Variants in VPS13C observed in about 807,000 individuals in gnomAD.
VPS13C encodes vacuolar protein sorting 13 homolog C, also known as intermembrane lipid transfer protein VPS13C.
In VPS13C, 358 loss-of-function variants were observed where a neutral mutation model predicts 456.8. The observed-to-expected ratio is 0.78, with a 90% CI of 0.72 to 0.86. The LOEUF is 0.86. Ranked by LOEUF, VPS13C falls within the 40% of genes least tolerant of loss-of-function variation. VPS13C has a pLI of 0.00. For missense variants in VPS13C, 4,818 were observed against 4,385.4 expected (o/e 1.10, Z -2.79); for synonymous variants, 1,578 against 1,486.7 (o/e 1.06, Z -1.41).
At chr15:61,951,065 A>G (rs2044774019) in intron 39 of VPS13C, 41 bp from the exon 40 acceptor site, 1 of 1,341,678 alleles carries the variant, frequency 7.5e-7, no homozygotes. Flanking sequence ...TCAATTAAAC[A>G]TTTCACACAT....
At chr15:61,950,854 T>G in intron 40 of VPS13C, 91 bp downstream of exon 40, 1 of 874,560 alleles carries the variant, frequency 1.1e-6, no homozygotes, top group Non-Finnish European at 1.7e-6. Flanking sequence ...GGTAGAAAAA[T>G]GTTGGGAGAG....
chr15:62,024,908 G>A (rs1035484870), intron 6 of VPS13C, among the ~76,000 whole-genome samples: 7 of 152,014 alleles, frequency 4.6e-5, no homozygotes, highest in Admixed American at 3.3e-4. Flanking sequence ...TTCACCAGGC[G>A]AACTCCTAGG....
At position 62,041,454 on chromosome 15, in the gene VPS13C, G is replaced by A. The variant is rs997560008; in HGVS notation, c.145-88C>T. On this transcript the variant is annotated intron_variant, in intron 2 of 84. Coordinates refer to ENST00000644861, the MANE Select transcript of VPS13C (RefSeq NM_020821.3). ...TTTGTGTGATCATTTAAATACACAT[G>A]TCCAAAGAAAAACAAAAACCAAATT... is the stretch of plus-strand genomic sequence containing the variant. 7 of 1,306,854 alleles carry A rather than the reference G, an allele frequency of 5.4e-6. No individual in the cohort carries two copies. In the African/African-American group the frequency reaches 9.1e-5, roughly 17 times the overall value. The allele number at this position is 1,306,854 out of a possible 1,614,324, so 81.0% of individuals were successfully genotyped here. A position where few individuals can be genotyped will look rare whatever the true frequency, so the allele number is the denominator to read the frequency against.
At chr15:62,006,361 T>A in intron 15 of VPS13C, among the ~76,000 whole-genome samples, 1 of 152,080 alleles carries the variant, frequency 6.6e-6, no homozygotes, top group African/African-American at 2.4e-5. Context: ...GGTGTTTGGT[T>A]TTTTGTCCTT....
intron 79 of VPS13C, among the ~76,000 whole-genome samples, chr15:61,870,743 C>A (rs2140874527): frequency 6.6e-6 from 1 of 152,280 alleles, no homozygotes; most frequent in South Asian, 2.1e-4. Flanking sequence ...ATTTTACAGT[C>A]CCACTAGTAG....
At chr15:62,015,126 T>A (rs977333465) in intron 9 of VPS13C, among the ~76,000 whole-genome samples, 1 of 152,194 alleles carries the variant, frequency 6.6e-6, no homozygotes, top group Admixed American at 6.5e-5. Context: ...GTTACTCTGC[T>A]CCCTTATGAC....
At chr15:61,903,231 G>A (rs1018328083) in intron 66 of VPS13C, among the ~76,000 whole-genome samples, 3 of 151,852 alleles carry the variant, frequency 2.0e-5, no homozygotes, top group African/African-American at 7.3e-5. Flanking sequence ...CCTGATATTC[G>A]AGAGACTGAA....
intron 37 of VPS13C, among the ~76,000 whole-genome samples, chr15:61,956,429 G>A (rs2045000588): frequency 1.3e-5 from 2 of 151,946 alleles, no homozygotes. Context: ...GCAGTGACAT[G>A]CAATTTACCC....
intron 18 of VPS13C, 66 bp downstream of exon 18, chr15:61,990,934 T>A: frequency 9.4e-7 from 1 of 1,066,230 alleles, no homozygotes; most frequent in Non-Finnish European, 1.4e-6. Flanking sequence ...AATCAGTAAG[T>A]CTAATCCAAT....
chr15:61,862,235 C>A (rs1003739546), intron 82 of VPS13C, among the ~76,000 whole-genome samples: 2 of 152,070 alleles, frequency 1.3e-5, no homozygotes, highest in African/African-American at 4.8e-5. Context: ...GTAAGGTTAG[C>A]AAGGAAACTA....
At chr15:62,020,443 A>G (rs1210801073) in intron 9 of VPS13C, 36 bp downstream of exon 9, 13 of 1,569,694 alleles carry the variant, frequency 8.3e-6, no homozygotes, top group Non-Finnish European at 1.1e-5. Flanking sequence ...AATACTTTAC[A>G]GGTTCCATAG....
In VPS13C at chr15:62,012,157, A is replaced by G; in HGVS notation, c.833T>C (p.Leu278Pro). 6.5e-7 allele frequency: 1 copy of G among 1,548,402 alleles called. No individual in the cohort carries two copies. Among genetic ancestry groups the G allele is most frequent in the Non-Finnish European group, 8.9e-7 (1 of 1,125,292 alleles). ...TCCACTTGTAAGAATTTCATTTTTC[A>G]GCTGATCCTAAACAAAAAATTTGAA... The part of the protein sequence containing the change: ...QRSREQILDQ[L>P]KNEILTSGNI... The change falls in exon 12 of 85, where the codon CTG becomes CCG. Residue 278 changes from leucine to proline, a missense_variant. Coordinates refer to ENST00000644861, the MANE Select transcript of VPS13C (RefSeq NM_020821.3).
chr15:62,056,569 G>C (rs2048808221), intron 1 of VPS13C, among the ~76,000 whole-genome samples: 1 of 152,192 alleles, frequency 6.6e-6, no homozygotes, highest in Admixed American at 6.5e-5. Flanking sequence ...GACCAGGGAA[G>C]GGAGGCTCCC....
rs2043703146 is a variant in VPS13C at position 61,922,760 on chromosome 15, A to C, written c.6612T>G (p.Ile2204Met). 6.4e-7 allele frequency: 1 copy of C among 1,560,876 alleles called. No individual in the cohort carries two copies. Among genetic ancestry groups the C allele is most frequent in the South Asian group, 1.2e-5 (1 of 81,478 alleles). Residue 2204 changes from isoleucine (I) to methionine (M), a missense_variant and splice_region_variant, in exon 54 of 85, where the codon ATT becomes ATG. By Grantham distance (10) the Ile-to-Met change is conservative. Transcript: ENST00000644861. ...NIMVKEFIIK[I>M]SPIILNTVLT... is the part of the protein sequence containing the mutation. ...ACACAGTATTAAGAATTATGGGTGAAATCTTTAAAAAAGAAAGCAGAAAAA... is the reference window on the plus strand; with the variant it reads ...ACACAGTATTAAGAATTATGGGTGACATCTTTAAAAAAGAAAGCAGAAAAA...
intron 21 of VPS13C, among the ~76,000 whole-genome samples, chr15:61,981,794 C>T (rs149924354): frequency 0.019 from 2,895 of 151,950 alleles, 60 homozygotes; most frequent in South Asian, 0.07. Flanking sequence ...ACCCAGGAGG[C>T]GGAGCTTGCA....
intron 15 of VPS13C, 78 bp from the exon 16 acceptor site, chr15:62,000,704 C>T: frequency 6.0e-6 from 7 of 1,164,298 alleles, no homozygotes; most frequent in Middle Eastern, 2.5e-4. Flanking sequence ...GATTTCTAGG[C>T]ATATCTAGTC....
Position 61,857,193 on chromosome 15 carries a change from CT to C in VPS13C, c.10953-785del, listed in dbSNP as rs539359921. On this transcript the variant is annotated intron_variant, in intron 82 of 84. Transcript: ENST00000644861. The stretch of plus-strand genomic sequence containing the variant: ...TGCCAGAGAAACAAGGAAGATAATT[CT>C]GCTTGAGAGGTGCTCACTGGCTAGA... 7.6e-4 allele frequency among the ~76,000 whole-genome samples: 116 copies of C among 152,236 alleles called. No homozygotes were observed. The Middle Eastern group carries it at 0.01, about 13-fold the overall frequency.
chr15:61,962,761 T>C lies in VPS13C; in HGVS notation c.3423A>G (p.Thr1141=), dbSNP rs764853904. 3.8e-6 allele frequency: 6 copies of C among 1,595,290 alleles called. No homozygotes were observed. In the Admixed American group the frequency reaches 8.4e-5, roughly 22 times the overall value. The change falls in exon 33 of 85, where the codon ACA becomes ACG. Residue 1141 remains threonine, a synonymous_variant. Transcript: ENST00000644861. ...TACAATCACCTACTTTCTTATGAAC[T>C]GTCTTTGGATCAACATCTGTGACAA... is the stretch of plus-strand genomic sequence containing the variant. ...NIIVTDVDPK[T]VHKKAVSIMG...
At chr15:61,990,577 G>A (rs1340594363) in intron 18 of VPS13C, among the ~76,000 whole-genome samples, 8 of 152,090 alleles carry the variant, frequency 5.3e-5, no homozygotes, top group Admixed American at 1.3e-4. Context: ...TTGGGAGGCC[G>A]AGGAAGGCAG....
Sources: allele counts gnomAD v4.1 joint callset (sites outside exome capture counted in the v4.1 genomes callset), GRCh38; gene constraint gnomAD v4.1.1; transcripts MANE v1.5; gene names NCBI Gene and HGNC (gene_info 2026-07-23, HGNC 2026-07-21).